Variants in DAB1 observed in about 807,000 individuals in gnomAD.
DAB1 encodes DAB adaptor protein 1.
In DAB1, 15 loss-of-function variants were observed where a neutral mutation model predicts 64.6. The observed-to-expected ratio is 0.23, with a 90% CI of 0.16 to 0.36. The LOEUF (loss-of-function observed/expected upper bound fraction) is 0.36. Among genes scored for constraint, DAB1 ranks in the 10% least tolerant of loss-of-function variants. The pLI is 1.00. For missense variants in DAB1, 596 were observed against 706.7 expected (o/e 0.84, Z 1.78); for synonymous variants, 235 against 251.9 (o/e 0.93, Z 0.64).
intron 3 of DAB1, among the ~76,000 whole-genome samples, chr1:58,371,961 C>T (rs930811853): frequency 1.3e-5 from 2 of 152,210 alleles, no homozygotes; most frequent in Non-Finnish European, 2.9e-5. Flanking sequence ...GGGCAGAGCC[C>T]TCATAGAGAA....
At chr1:57,002,720 CAGG>C (rs1645914835) in intron 14 of DAB1, among the ~76,000 whole-genome samples, 1 of 152,218 alleles carries the variant, frequency 6.6e-6, no homozygotes, top group Non-Finnish European at 1.5e-5. Context: ...TGATGTTCAA[CAGG>C]AGAATGCCAG....
chr1:57,323,725 T>C (rs906760039), intron 1 of DAB1, among the ~76,000 whole-genome samples: 8 of 152,288 alleles, frequency 5.3e-5, no homozygotes, highest in Non-Finnish European at 8.8e-5. Context: ...TTTTTAAAAA[T>C]AGAATTTTAA....
intron 5 of DAB1, among the ~76,000 whole-genome samples, chr1:58,072,216 C>A (rs1293807261): frequency 6.6e-6 from 1 of 151,970 alleles, no homozygotes; most frequent in Non-Finnish European, 1.5e-5. Flanking sequence ...TAATTTGATG[C>A]TTGTTAAAAA....
In DAB1 at chr1:57,476,811, G is replaced by C. The variant is rs79603250; in HGVS notation, n.625+172781C>G. 4.1e-3 allele frequency among the ~76,000 whole-genome samples: 623 copies of C among 152,266 alleles called. 2 individuals are homozygous for C. The highest frequency in any genetic ancestry group is 0.014 in the African/African-American group (595 of 41,554). On this transcript the variant is annotated intron_variant and non_coding_transcript_variant, in intron 7 of 20. Transcript: ENST00000485760. ...GAAGAGAAAGAGCTGGGCTCAGCCT[G>C]GGGGGTGTTAAAGAGGAGCTGTTCA...
At chr1:57,068,293 C>T (rs1319913519) in intron 8 of DAB1, among the ~76,000 whole-genome samples, 2 of 152,086 alleles carry the variant, frequency 1.3e-5, no homozygotes, top group African/African-American at 4.8e-5. Flanking sequence ...ACTTGGTAAG[C>T]CACAACTTTG....
chr1:57,301,783 C>A (rs145865712), intron 1 of DAB1, among the ~76,000 whole-genome samples: 2 of 152,174 alleles, frequency 1.3e-5, no homozygotes, highest in African/African-American at 4.8e-5. Context: ...TTCACGAGTG[C>A]CCTGGGCAGG....
At chr1:57,723,980 T>A (rs1457729209) in intron 6 of DAB1, among the ~76,000 whole-genome samples, 1 of 152,176 alleles carries the variant, frequency 6.6e-6, no homozygotes, top group African/African-American at 2.4e-5. Flanking sequence ...TCTTTCTGCC[T>A]GTTTTTCTGC....
chr1:58,385,239 G>C (rs955622027), intron 3 of DAB1, among the ~76,000 whole-genome samples: 1 of 152,170 alleles, frequency 6.6e-6, no homozygotes, highest in African/African-American at 2.4e-5. Context: ...ATCGTGTGCA[G>C]TTTTTGTATA....
intron 7 of DAB1, among the ~76,000 whole-genome samples, chr1:57,482,209 G>A (rs942833296): frequency 2.6e-5 from 4 of 152,042 alleles, no homozygotes; most frequent in Non-Finnish European, 4.4e-5. Flanking sequence ...ATGAAAGAGC[G>A]ATGATAAAAA....
At chr1:57,893,375 TA>T (rs1264528478) in intron 5 of DAB1, among the ~76,000 whole-genome samples, 1 of 152,110 alleles carries the variant, frequency 6.6e-6, no homozygotes, top group Non-Finnish European at 1.5e-5. Context: ...ATTTAGAGCA[TA>T]AGCCAAAATC....
At chr1:58,333,500 G>A (rs185327913) in intron 4 of DAB1, among the ~76,000 whole-genome samples, 9 of 152,346 alleles carry the variant, frequency 5.9e-5, no homozygotes, top group South Asian at 2.1e-4. Flanking sequence ...TGCAAAGAGC[G>A]TGAATATGTA....
At chr1:57,687,752 G>GA (rs1646718270) in intron 6 of DAB1, among the ~76,000 whole-genome samples, 1 of 151,850 alleles carries the variant, frequency 6.6e-6, no homozygotes. Flanking sequence ...AGAGAACCCA[G>GA]AAAAAAAGCT....
chr1:57,396,992 A>G (rs1375350801), intron 1 of DAB1, among the ~76,000 whole-genome samples: 1 of 152,236 alleles, frequency 6.6e-6, no homozygotes, highest in Non-Finnish European at 1.5e-5. Context: ...AATATTTTAT[A>G]TTAACATACT....
chr1:57,145,929 G>A (rs555034167), intron 2 of DAB1, among the ~76,000 whole-genome samples: 9 of 152,268 alleles, frequency 5.9e-5, no homozygotes, highest in African/African-American at 2.2e-4. Flanking sequence ...AAACTCCAGA[G>A]TAATTACCTG....
chr1:58,070,552 GT>G (rs1263541801), intron 5 of DAB1, among the ~76,000 whole-genome samples: 3 of 152,240 alleles, frequency 2.0e-5, no homozygotes, highest in Non-Finnish European at 4.4e-5. Context: ...GCATGATTTA[GT>G]TGGAACTGTG....
At chr1:57,605,938 T>C in intron 7 of DAB1, 1 of 688,626 alleles carries the variant, frequency 1.5e-6, no homozygotes, top group Non-Finnish European at 2.7e-6. Context: ...ACTGTGCAAG[T>C]CAAAGAGTCA....
At chr1:58,206,709 C>T (rs537352259) in intron 4 of DAB1, among the ~76,000 whole-genome samples, 2 of 152,292 alleles carry the variant, frequency 1.3e-5, no homozygotes, top group South Asian at 2.1e-4. Context: ...ATTTGACTTA[C>T]AACAACTACT....
intron 2 of DAB1, among the ~76,000 whole-genome samples, chr1:57,172,601 TTC>T (rs1285028284): frequency 3.9e-5 from 6 of 152,120 alleles, no homozygotes. Flanking sequence ...CTTGAGCTTC[TTC>T]TACACATGGT....
chr1:58,002,504 G>T lies in DAB1; in HGVS notation n.388-118342C>A, dbSNP rs532066429. ...CATTCTTTTCTTTTCTGGACTACTA[G>T]GATGTTAGAAGAAAAATACAGGTTC... On this transcript the variant is annotated intron_variant and non_coding_transcript_variant, in intron 5 of 20. Transcript: ENST00000485760. Among the ~76,000 whole-genome samples, 3 of 152,194 alleles carry T rather than the reference G, an allele frequency of 2.0e-5. No individual in the cohort carries two copies. The East Asian group carries it at 5.8e-4, about 29-fold the overall frequency.
Sources: allele counts gnomAD v4.1 joint callset (sites outside exome capture counted in the v4.1 genomes callset), GRCh38; gene constraint gnomAD v4.1.1; transcripts MANE v1.5; gene names NCBI Gene and HGNC (gene_info 2026-07-23, HGNC 2026-07-21).